PRTFDC1: variants seen among roughly 807,000 people sequenced by gnomAD.
The protein encoded by PRTFDC1 is phosphoribosyltransferase domain-containing protein 1.
PRTFDC1 carries 38 observed loss-of-function variants against 34.6 expected under a neutral mutation model. The observed-to-expected ratio is 1.10, with a 90% CI of 0.85 to 1.44. The LOEUF (loss-of-function observed/expected upper bound fraction) is 1.44. PRTFDC1 is among the 40% of genes most tolerant of loss of function. The pLI is 0.00. For synonymous variants in PRTFDC1, 93 were observed against 98.1 expected (o/e 0.95, Z 0.31); for missense variants, 270 against 283.0 (o/e 0.95, Z 0.33).
Position 24,952,467 on chromosome 10 carries a change from A to G in PRTFDC1, c.48+61T>C. The G allele has an allele frequency of 6.6e-7, 1 of 1,513,330 alleles. No homozygotes were observed. Among genetic ancestry groups the G allele is most frequent in the Non-Finnish European group, 9.0e-7 (1 of 1,111,920 alleles). 93.7% of individuals were successfully genotyped at this position (1,513,330 alleles called of 1,614,324 possible). A position where few individuals can be genotyped will look rare whatever the true frequency, so the allele number is the denominator to read the frequency against. Reference sequence around the variant, plus strand: ...ACGCACGGCAAGCATTTAATCTACAAGCAGGGTGCCAGGGAGGGAGGGGAG... The same window carrying G: ...ACGCACGGCAAGCATTTAATCTACAGGCAGGGTGCCAGGGAGGGAGGGGAG... On this transcript the variant is annotated intron_variant, in intron 1 of 8. Transcript: ENST00000320152. This position sits in a 1 kb window ranked among gnomAD's most constrained non-coding sequence, Gnocchi z 5.1.
At chr10:24,860,918 ATC>A (rs1176133313) in intron 4 of PRTFDC1, among the ~76,000 whole-genome samples, 1 of 152,186 alleles carries the variant, frequency 6.6e-6, no homozygotes, top group East Asian at 1.9e-4. Flanking sequence ...CTGGCTCACA[ATC>A]TCTTTTTGTT....
At chr10:24,865,469 T>C (rs986343575) in intron 4 of PRTFDC1, among the ~76,000 whole-genome samples, 1 of 152,148 alleles carries the variant, frequency 6.6e-6, no homozygotes, top group Non-Finnish European at 1.5e-5. Context: ...GTTACTGTCT[T>C]AGTCATCTCA....
intron 3 of PRTFDC1, among the ~76,000 whole-genome samples, chr10:24,933,387 C>T (rs372334333): frequency 3.3e-5 from 5 of 151,994 alleles, no homozygotes; most frequent in African/African-American, 1.2e-4. Context: ...TTAAAACTCT[C>T]AAATACAATA....
At chr10:24,933,913 G>C (rs1849007481) in intron 3 of PRTFDC1, among the ~76,000 whole-genome samples, 1 of 151,966 alleles carries the variant, frequency 6.6e-6, no homozygotes, top group African/African-American at 2.4e-5. Flanking sequence ...AGCTGGTCTT[G>C]AGCTCCTGAC....
At chr10:24,923,733 G>GTTC (rs1379427216) in intron 3 of PRTFDC1, among the ~76,000 whole-genome samples, 1 of 152,184 alleles carries the variant, frequency 6.6e-6, no homozygotes, top group African/African-American at 2.4e-5. Context: ...AAAAACCAGA[G>GTTC]TTCTTCTTCT....
chr10:24,895,504 G>A (rs1325230219), intron 3 of PRTFDC1, among the ~76,000 whole-genome samples: 2 of 150,602 alleles, frequency 1.3e-5, no homozygotes, highest in Non-Finnish European at 3.0e-5. Context: ...ACCTGCCTTG[G>A]CCTCCCAAAG....
intron 3 of PRTFDC1, among the ~76,000 whole-genome samples, chr10:24,905,786 T>C (rs1241387303): frequency 2.0e-5 from 3 of 152,148 alleles, no homozygotes; most frequent in Non-Finnish European, 4.4e-5. Flanking sequence ...ATTAATTTAA[T>C]CACCTAGAGG....
At chr10:24,854,500 A>G (rs1847540972) in intron 7 of PRTFDC1, among the ~76,000 whole-genome samples, 1 of 152,184 alleles carries the variant, frequency 6.6e-6, no homozygotes, top group African/African-American at 2.4e-5. Context: ...AGAGAACTGT[A>G]GCCAAATTAT....
intron 3 of PRTFDC1, among the ~76,000 whole-genome samples, chr10:24,935,048 G>C (rs562434080): frequency 6.6e-6 from 1 of 152,186 alleles, no homozygotes; most frequent in African/African-American, 2.4e-5. Context: ...GGGCTTAGGG[G>C]TTCAGGAGGT....
At chr10:24,945,515 C>G (rs975723686) in intron 1 of PRTFDC1, among the ~76,000 whole-genome samples, 5 of 152,140 alleles carry the variant, frequency 3.3e-5, no homozygotes, top group African/African-American at 1.2e-4. Context: ...AGTGGAGTAC[C>G]ACAATCATAG....
chr10:24,938,720 T>C (rs939780437), intron 2 of PRTFDC1, among the ~76,000 whole-genome samples: 1 of 152,156 alleles, frequency 6.6e-6, no homozygotes, highest in African/African-American at 2.4e-5. Flanking sequence ...TGCATCTCAA[T>C]TGACCAGAGG....
intron 1 of PRTFDC1, among the ~76,000 whole-genome samples, chr10:24,946,926 A>G (rs553679693): frequency 1.3e-5 from 2 of 152,302 alleles, no homozygotes; most frequent in East Asian, 3.9e-4. Context: ...ACTTGAGCCC[A>G]AGAGTGTGAG....
intron 3 of PRTFDC1, among the ~76,000 whole-genome samples, chr10:24,921,878 A>G (rs1460708402): frequency 6.6e-6 from 1 of 152,202 alleles, no homozygotes; most frequent in Admixed American, 6.5e-5. Context: ...TGCTGTGTTT[A>G]ATAATGGCAA....
intron 3 of PRTFDC1, among the ~76,000 whole-genome samples, chr10:24,929,197 T>C (rs1032198189): frequency 1.1e-4 from 16 of 152,172 alleles, no homozygotes; most frequent in Non-Finnish European, 2.1e-4. Flanking sequence ...ATCCATTCTG[T>C]TCCCATTCCT....
intron 3 of PRTFDC1, among the ~76,000 whole-genome samples, chr10:24,890,412 A>G (rs577498364): frequency 1.3e-5 from 2 of 152,366 alleles, no homozygotes; most frequent in East Asian, 3.9e-4. Flanking sequence ...TGTCAGGCAC[A>G]TCCACACTAC....
chr10:24,903,767 T>G (rs1007846247), intron 3 of PRTFDC1, among the ~76,000 whole-genome samples: 7 of 151,682 alleles, frequency 4.6e-5, no homozygotes, highest in Non-Finnish European at 1.0e-4. Context: ...GCAGTGCTCC[T>G]GGGCTCCAGT....
At chr10:24,903,604 G>T (rs765890678) in intron 3 of PRTFDC1, among the ~76,000 whole-genome samples, 2 of 152,090 alleles carry the variant, frequency 1.3e-5, no homozygotes, top group African/African-American at 4.8e-5. Flanking sequence ...GTCTAGAGAG[G>T]TCTCACAGCT....
chr10:24,940,890 G>A (rs1849144430), intron 2 of PRTFDC1, among the ~76,000 whole-genome samples: 1 of 152,168 alleles, frequency 6.6e-6, no homozygotes, highest in South Asian at 2.1e-4. Flanking sequence ...GTGGGAGCAG[G>A]GATTGGCTGC....
intron 3 of PRTFDC1, among the ~76,000 whole-genome samples, chr10:24,923,143 G>A (rs1848817001): frequency 2.0e-5 from 3 of 152,192 alleles, no homozygotes. Flanking sequence ...AAAGTGGCTG[G>A]GAAGCTCAAA....
Sources: allele counts gnomAD v4.1 joint callset (sites outside exome capture counted in the v4.1 genomes callset), GRCh38; gene constraint gnomAD v4.1.1; non-coding constraint Gnocchi (gnomAD v3.1); transcripts MANE v1.5; gene names NCBI Gene and HGNC (gene_info 2026-07-23, HGNC 2026-07-21).